Variants in LRMDA observed in about 807,000 individuals in gnomAD.
LRMDA encodes leucine rich melanocyte differentiation associated, also known as leucine-rich melanocyte differentiation-associated protein.
A neutral mutation model predicts 29.8 loss-of-function variants in LRMDA; 18 were observed. The ratio of observed to expected loss-of-function variants is 0.60; its 90% confidence interval spans 0.42 to 0.90. The LOEUF is 0.90. LRMDA is among the 40% of genes least tolerant of loss of function. The probability of loss-of-function intolerance (pLI) is 0.00; values close to 1 mark genes in which losing one functional copy is unlikely to be tolerated. For missense variants in LRMDA, 273 were observed against 273.9 expected (o/e 1.00, Z 0.02); for synonymous variants, 125 against 109.4 (o/e 1.14, Z -0.89).
chr10:76,217,065 G>C (rs534971887), intron 5 of LRMDA, among the ~76,000 whole-genome samples: 4 of 152,146 alleles, frequency 2.6e-5, no homozygotes, highest in Non-Finnish European at 5.9e-5. Flanking sequence ...AATTGCTTGT[G>C]AGGGGGCAAA....
intron 6 of LRMDA, among the ~76,000 whole-genome samples, chr10:76,332,149 T>A (rs745835027): frequency 2.6e-5 from 4 of 152,134 alleles, no homozygotes; most frequent in Non-Finnish European, 4.4e-5. Flanking sequence ...GTAGTGTAGA[T>A]TAAAACTTCC....
At chr10:75,881,737 C>G (rs1589239471) in intron 2 of LRMDA, among the ~76,000 whole-genome samples, 1 of 152,230 alleles carries the variant, frequency 6.6e-6, no homozygotes, top group African/African-American at 2.4e-5. Context: ...ATTCTGTAAC[C>G]AGGGCCCTTG....
chr10:75,737,444 G>T (rs1842779621), intron 2 of LRMDA, among the ~76,000 whole-genome samples: 2 of 152,232 alleles, frequency 1.3e-5, no homozygotes, highest in Admixed American at 6.5e-5. Flanking sequence ...GTCTGGGAGG[G>T]CCTGGGCATG....
At chr10:76,361,265 A>G (rs930833339) in intron 6 of LRMDA, among the ~76,000 whole-genome samples, 5 of 152,032 alleles carry the variant, frequency 3.3e-5, no homozygotes, top group Admixed American at 3.3e-4. Context: ...TCTCAAAAAA[A>G]AAAAAGAAAA....
At chr10:76,367,669 C>G (rs1296599083) in intron 6 of LRMDA, among the ~76,000 whole-genome samples, 2 of 152,000 alleles carry the variant, frequency 1.3e-5, no homozygotes, top group Non-Finnish European at 2.9e-5. Flanking sequence ...GGTGATCCAC[C>G]TGCCCCGATC....
intron 5 of LRMDA, among the ~76,000 whole-genome samples, chr10:76,133,812 A>G (rs1352270879): frequency 6.6e-6 from 1 of 152,116 alleles, no homozygotes; most frequent in African/African-American, 2.4e-5. Flanking sequence ...AGAACAAAAG[A>G]TAGGACAACC....
At chr10:75,464,048 C>T (rs899853516) in intron 2 of LRMDA, among the ~76,000 whole-genome samples, 14 of 152,126 alleles carry the variant, frequency 9.2e-5, no homozygotes, top group Non-Finnish European at 1.9e-4. Flanking sequence ...GTGATCTACC[C>T]GCCTCGGCCT....
chr10:76,312,666 C>G (rs1233821207), intron 5 of LRMDA, among the ~76,000 whole-genome samples: 1 of 152,006 alleles, frequency 6.6e-6, no homozygotes, highest in African/African-American at 2.4e-5. Context: ...ATGAGACCAT[C>G]TAAATGTTGT....
chr10:75,531,053 G>A (rs1046474648), intron 2 of LRMDA, among the ~76,000 whole-genome samples: 1 of 152,206 alleles, frequency 6.6e-6, no homozygotes, highest in Non-Finnish European at 1.5e-5. Flanking sequence ...GGAAGATAGA[G>A]GCTAAGCAAG....
chr10:75,594,636 G>T (rs1233843627), intron 2 of LRMDA, among the ~76,000 whole-genome samples: 1 of 152,200 alleles, frequency 6.6e-6, no homozygotes, highest in Non-Finnish European at 1.5e-5. Context: ...ATATGCCTTT[G>T]TCAGCCCTGA....
chr10:75,799,096 G>A (rs1843703230), intron 2 of LRMDA, among the ~76,000 whole-genome samples: 1 of 152,104 alleles, frequency 6.6e-6, no homozygotes, highest in Admixed American at 6.5e-5. Context: ...ACTGGATTTT[G>A]TTTTATTAAG....
At chr10:75,955,920 A>G (rs1409600321) in intron 2 of LRMDA, among the ~76,000 whole-genome samples, 2 of 152,198 alleles carry the variant, frequency 1.3e-5, no homozygotes, top group African/African-American at 4.8e-5. Flanking sequence ...ATATAGCATG[A>G]AAAAAGAAAG....
chr10:76,492,865 G>A (rs964290319), intron 6 of LRMDA, among the ~76,000 whole-genome samples: 1 of 152,000 alleles, frequency 6.6e-6, no homozygotes, highest in African/African-American at 2.4e-5. Flanking sequence ...CCACCTCCAT[G>A]ATTCAATTCT....
chr10:75,819,261 T>C (rs1400417622), intron 2 of LRMDA, among the ~76,000 whole-genome samples: 1 of 152,178 alleles, frequency 6.6e-6, no homozygotes, highest in Non-Finnish European at 1.5e-5. Context: ...GAAGTCCTAG[T>C]GCTGATAAGT....
intron 5 of LRMDA, among the ~76,000 whole-genome samples, chr10:76,110,735 T>C (rs973083756): frequency 2.0e-4 from 31 of 152,302 alleles, no homozygotes; most frequent in African/African-American, 7.2e-4. Context: ...GAAGTGCCCT[T>C]TGCCTCCCAC....
chr10:75,958,190 C>T (rs1846697835), intron 2 of LRMDA, among the ~76,000 whole-genome samples: 1 of 152,116 alleles, frequency 6.6e-6, no homozygotes, highest in South Asian at 2.1e-4. Flanking sequence ...CCAGCAGCCC[C>T]AAGGGCTGCT....
At chr10:75,666,625 AT>A (rs1841826078) in intron 2 of LRMDA, among the ~76,000 whole-genome samples, 1 of 152,152 alleles carries the variant, frequency 6.6e-6, no homozygotes, top group African/African-American at 2.4e-5. Flanking sequence ...TTAATTTTGA[AT>A]TTTGGGGGCA....
chr10:76,333,780 C>T (rs1840933945), intron 6 of LRMDA, among the ~76,000 whole-genome samples: 1 of 152,100 alleles, frequency 6.6e-6, no homozygotes, highest in South Asian at 2.1e-4. Flanking sequence ...GGCTGGCTGA[C>T]TGGGAGTACA....
intron 2 of LRMDA, among the ~76,000 whole-genome samples, chr10:75,656,632 G>A (rs529616725): frequency 1.2e-4 from 19 of 152,200 alleles, no homozygotes; most frequent in East Asian, 3.9e-4. Context: ...ATGCCCTGCC[G>A]TTCATTTCCT....
Sources: gnomAD v4.1 joint callset for allele counts (sites outside exome capture counted in the v4.1 genomes callset) on GRCh38, gnomAD v4.1.1 for gene constraint, MANE v1.5 for transcripts, NCBI Gene and HGNC (gene_info 2026-07-23, HGNC 2026-07-21) for gene names.